Variants in SLC1A4 observed in about 807,000 individuals in gnomAD.
SLC1A4 encodes solute carrier family 1 member 4.
SLC1A4 carries 19 observed loss-of-function variants against 37.7 expected under a neutral mutation model. The ratio of observed to expected loss-of-function variants is 0.50; its 90% confidence interval spans 0.35 to 0.74. The LOEUF (loss-of-function observed/expected upper bound fraction) is 0.74. Among genes scored for constraint, SLC1A4 ranks in the 30% least tolerant of loss-of-function variants. The pLI is 0.01. For synonymous variants in SLC1A4, 299 were observed against 309.8 expected (o/e 0.97, Z 0.37); for missense variants, 570 against 712.9 (o/e 0.80, Z 2.28).
rs753010988 is a variant in SLC1A4, at chr2:65,010,747, G to A, written c.784G>A (p.Val262Met). The A allele has an allele frequency of 4.3e-6, 7 of 1,613,260 alleles. No individual in the cohort carries two copies. The African/African-American group carries it at 5.3e-5, about 12-fold the overall frequency. The change falls in exon 4 of 8, where the codon GTG becomes ATG. Residue 262 changes from valine (V) to methionine (M), a missense_variant. By Grantham distance (21) the Val-to-Met change is conservative. Coordinates refer to ENST00000234256, the MANE Select transcript of SLC1A4 (RefSeq NM_003038.5). Reference sequence around the variant, plus strand: ...CCTCAACGAGGCGACGATGGTGCTGGTGTCCTGGATTATGTGGTGAGTGCT... The same window carrying A: ...CCTCAACGAGGCGACGATGGTGCTGATGTCCTGGATTATGTGGTGAGTGCT... ...NSLNEATMVL[V>M]SWIMWYVPVG...
intron 2 of SLC1A4, among the ~76,000 whole-genome samples, chr2:65,002,570 CTTTTTTTTTTTT>C (rs70937394): frequency 1.2e-4 from 7 of 59,056 alleles, no homozygotes; most frequent in East Asian, 7.6e-4. Flanking sequence ...TGTGACCATT[CTTTTTTTTTTTT>C]TTTTTTTTTT....
At chr2:64,995,557 A>C (rs1348841192) in intron 1 of SLC1A4, among the ~76,000 whole-genome samples, 1 of 152,194 alleles carries the variant, frequency 6.6e-6, no homozygotes, top group Non-Finnish European at 1.5e-5. Context: ...CACCCCCATC[A>C]TCAGAGTGCA....
chr2:65,011,122 G>A (rs1454827496), intron 4 of SLC1A4, among the ~76,000 whole-genome samples: 1 of 152,164 alleles, frequency 6.6e-6, no homozygotes, highest in Non-Finnish European at 1.5e-5. Context: ...TTTGCTATCT[G>A]TTGCATGAAA....
chr2:64,991,122 TA>T (rs1281654992), intron 1 of SLC1A4, among the ~76,000 whole-genome samples: 1 of 152,178 alleles, frequency 6.6e-6, no homozygotes, highest in Non-Finnish European at 1.5e-5. Context: ...TTGGAGTTAT[TA>T]ATATATTTTG....
chr2:65,013,803 A>G (rs755132240), intron 4 of SLC1A4, among the ~76,000 whole-genome samples: 91 of 152,092 alleles, frequency 6.0e-4, no homozygotes, highest in Non-Finnish European at 1.1e-3. Context: ...GTACCTGCCT[A>G]CCCTACACTA....
intron 3 of SLC1A4, among the ~76,000 whole-genome samples, chr2:65,005,100 G>GA (rs1558519859): frequency 6.6e-6 from 1 of 152,182 alleles, no homozygotes; most frequent in Non-Finnish European, 1.5e-5. Flanking sequence ...AAACTATGCA[G>GA]AAAAAATATT....
chr2:64,989,931 C>T lies in SLC1A4; in HGVS notation c.288C>T (p.Cys96=), dbSNP rs1367295933. The T allele has an allele frequency of 1.3e-6, 2 of 1,565,694 alleles. 1 individual carries two copies. The highest frequency in any genetic ancestry group is 2.3e-5 in the South Asian group (2 of 85,748). Residue 96 remains cysteine (C), a synonymous_variant, in exon 1 of 8, where the codon TGC becomes TGT. Transcript: ENST00000234256. The stretch of plus-strand genomic sequence containing the variant: ...TGATCATCCTGCCGCTGGTGGTCTG[C>T]AGCCTGGTGTCGGGCGCCGCCTCGC... ...LRMIILPLVV[C]SLVSGAASLD... is the part of the protein sequence containing the mutation.
Position 65,016,424 on chromosome 2 carries a change from T to G in SLC1A4, c.801-16T>G, listed in dbSNP as rs1337231021. The G allele has an allele frequency of 2.5e-6, 4 of 1,595,326 alleles. No individual in the cohort carries two copies. Among genetic ancestry groups the G allele is most frequent in the Non-Finnish European group, 3.4e-6 (4 of 1,162,880 alleles). On this transcript the variant is annotated splice_polypyrimidine_tract_variant and intron_variant, in intron 4 of 7. Transcript: ENST00000234256. ...CTTTATCCCCCACTGATGAGTACCC[T>G]GTGCTTGTGCCCTAGGTACGTACCT...
At chr2:65,003,006 T>G (rs917564837) in intron 2 of SLC1A4, among the ~76,000 whole-genome samples, 8 of 152,230 alleles carry the variant, frequency 5.3e-5, no homozygotes, top group Admixed American at 5.2e-4. Flanking sequence ...GTTTTGTTTT[T>G]TGATCTGCAT....
At chr2:64,998,381 T>A (rs1322085650) in intron 1 of SLC1A4, among the ~76,000 whole-genome samples, 2 of 149,836 alleles carry the variant, frequency 1.3e-5, no homozygotes, top group African/African-American at 2.5e-5. Flanking sequence ...GATCTGCCAC[T>A]GCACTCCAGC....
intron 2 of SLC1A4, among the ~76,000 whole-genome samples, chr2:65,003,489 G>A (rs1290299716): frequency 6.6e-6 from 1 of 152,172 alleles, no homozygotes; most frequent in Non-Finnish European, 1.5e-5. Context: ...AGAAAGAGAC[G>A]GTAGAAGCAG....
chr2:65,015,351 T>G (rs1158535310), intron 4 of SLC1A4, among the ~76,000 whole-genome samples: 2 of 152,126 alleles, frequency 1.3e-5, no homozygotes, highest in African/African-American at 4.8e-5. Flanking sequence ...CATTAAAAAA[T>G]GAATGGGGTA....
chr2:65,004,396 T>C (rs1313328601), intron 3 of SLC1A4, among the ~76,000 whole-genome samples: 2 of 152,058 alleles, frequency 1.3e-5, no homozygotes, highest in African/African-American at 4.8e-5. Context: ...ACTACAGACA[T>C]GTGCCACCAT....
chr2:65,003,496 G>A (rs1673556204), intron 2 of SLC1A4, among the ~76,000 whole-genome samples: 1 of 152,184 alleles, frequency 6.6e-6, no homozygotes, highest in East Asian at 1.9e-4. Context: ...GACGGTAGAA[G>A]CAGTCATGCT....
chr2:64,993,580 T>A (rs1331992050), intron 1 of SLC1A4, among the ~76,000 whole-genome samples: 1 of 152,144 alleles, frequency 6.6e-6, no homozygotes. Flanking sequence ...CAGAACAGTA[T>A]AGGACTTTCA....
chr2:65,011,855 G>A (rs185667729), intron 4 of SLC1A4, among the ~76,000 whole-genome samples: 107 of 151,008 alleles, frequency 7.1e-4, no homozygotes, highest in African/African-American at 2.4e-3. Flanking sequence ...TACAACCTCC[G>A]CCTCCTGGGT....
intron 1 of SLC1A4, chr2:64,994,847 C>T (rs372551732): frequency 1.3e-5 from 2 of 152,286 alleles, no homozygotes; most frequent in East Asian, 3.9e-4. Context: ...CAATGTGAAG[C>T]GTTCCATATT....
Position 65,010,709 on chromosome 2 carries a change from G to C in SLC1A4, c.746G>C (p.Arg249Pro), listed in dbSNP as rs201168258. 6.2e-7 allele frequency: 1 copy of C among 1,614,112 alleles called. No individual in the cohort carries two copies. The highest frequency in any genetic ancestry group is 8.5e-7 in the Non-Finnish European group (1 of 1,180,008). ...KLGSEGEDLI[R>P]FFNSLNEATM... Reference sequence around the variant, plus strand: ...GGCTCCGAAGGAGAAGACCTCATCCGTTTCTTCAATTCCCTCAACGAGGCG... The same window carrying C: ...GGCTCCGAAGGAGAAGACCTCATCCCTTTCTTCAATTCCCTCAACGAGGCG... Residue 249 changes from arginine (R) to proline (P), a missense_variant, in exon 4 of 8, where the codon CGT becomes CCT. Coordinates refer to ENST00000234256, the MANE Select transcript of SLC1A4 (RefSeq NM_003038.5).
At chr2:65,003,735 G>A (rs1572953853) in intron 2 of SLC1A4, among the ~76,000 whole-genome samples, 3 of 152,164 alleles carry the variant, frequency 2.0e-5, no homozygotes, top group Non-Finnish European at 4.4e-5. Context: ...GGGACACTAA[G>A]CAACCCAGAG....
Sources: gnomAD v4.1 joint callset for allele counts (sites outside exome capture counted in the v4.1 genomes callset) on GRCh38, gnomAD v4.1.1 for gene constraint, MANE v1.5 for transcripts, NCBI Gene and HGNC (gene_info 2026-07-23, HGNC 2026-07-21) for gene names.